Variants in SMIM35 observed in about 807,000 individuals in gnomAD.
The protein encoded by SMIM35 is TMPRSS4 antisense RNA 1 (non-protein coding).
At chr11:118,081,602 G>A (rs117943806) in intron 1 of SMIM35, among the ~76,000 whole-genome samples, 9 of 152,348 alleles carry the variant, frequency 5.9e-5, no homozygotes, top group South Asian at 2.1e-4. Context: ...CTGTCCAGGC[G>A]TGCGCACCTG....
chr11:118,010,858 A>T (rs979009411), intron 4 of SMIM35, among the ~76,000 whole-genome samples: 2 of 152,178 alleles, frequency 1.3e-5, no homozygotes, highest in African/African-American at 4.8e-5. Flanking sequence ...GAACCGTAAA[A>T]AGGTAGCGGG....
intron 4 of SMIM35, among the ~76,000 whole-genome samples, chr11:118,013,199 G>A (rs533207823): frequency 1.2e-4 from 19 of 152,328 alleles, no homozygotes; most frequent in African/African-American, 2.9e-4. Flanking sequence ...TTGAAGATCC[G>A]AGGGGATGAG....
intron 1 of SMIM35, among the ~76,000 whole-genome samples, chr11:118,083,316 C>T (rs1945299324): frequency 6.6e-6 from 1 of 152,242 alleles, no homozygotes; most frequent in Admixed American, 6.5e-5. Flanking sequence ...TTCCACTGGT[C>T]CTTGCTTCTC....
At chr11:118,083,414 C>T (rs1945307970) in intron 1 of SMIM35, among the ~76,000 whole-genome samples, 1 of 152,156 alleles carries the variant, frequency 6.6e-6, no homozygotes, top group Non-Finnish European at 1.5e-5. Flanking sequence ...GGTCACTGTC[C>T]CCAGATGCGC....
At chr11:118,019,923 A>G (rs573804876) in intron 1 of SMIM35, among the ~76,000 whole-genome samples, 67 of 152,286 alleles carry the variant, frequency 4.4e-4, no homozygotes, top group Non-Finnish European at 8.1e-4. Flanking sequence ...TGGACACTAG[A>G]CATGTAATGA....
At chr11:118,048,999 A>C (rs1449341322) in intron 1 of SMIM35, among the ~76,000 whole-genome samples, 1 of 148,456 alleles carries the variant, frequency 6.7e-6, no homozygotes, top group Non-Finnish European at 1.5e-5. Flanking sequence ...GCCAATAATC[A>C]TAATGTACTA....
chr11:118,081,047 G>A (rs185320935), intron 1 of SMIM35, among the ~76,000 whole-genome samples: 6 of 152,162 alleles, frequency 3.9e-5, no homozygotes, highest in Non-Finnish European at 7.3e-5. Context: ...GCTTTTAGCC[G>A]CAAACCTAGC....
At chr11:118,071,003 C>A (rs957155941) in intron 1 of SMIM35, among the ~76,000 whole-genome samples, 1 of 152,186 alleles carries the variant, frequency 6.6e-6, no homozygotes, top group Non-Finnish European at 1.5e-5. Flanking sequence ...ATAGCAGCAC[C>A]CACGTTATAG....
intron 1 of SMIM35, among the ~76,000 whole-genome samples, chr11:118,032,199 G>T (rs590917): frequency 0.16 from 24,575 of 152,112 alleles, 2,088 homozygotes; most frequent in Middle Eastern, 0.21. Context: ...TTGTGATTCT[G>T]AATTGTATCC....
chr11:118,037,201 T>G (rs1591290233), intron 1 of SMIM35, among the ~76,000 whole-genome samples: 1 of 152,196 alleles, frequency 6.6e-6, no homozygotes, highest in East Asian at 1.9e-4. Context: ...GTAGCGGTTG[T>G]GCAGTTGAGA....
intron 1 of SMIM35, among the ~76,000 whole-genome samples, chr11:118,044,175 G>A (rs1278915874): frequency 6.6e-6 from 1 of 152,064 alleles, no homozygotes; most frequent in Admixed American, 6.6e-5. Context: ...CTGCAGATAT[G>A]TAACACTCAA....
intron 1 of SMIM35, among the ~76,000 whole-genome samples, chr11:118,055,084 C>T (rs1187557960): frequency 6.6e-6 from 1 of 152,126 alleles, no homozygotes; most frequent in Non-Finnish European, 1.5e-5. Context: ...GGGTTACAGG[C>T]GTGAGCCACT....
At chr11:118,021,547 G>A (rs150181649) in intron 1 of SMIM35, among the ~76,000 whole-genome samples, 1 of 150,646 alleles carries the variant, frequency 6.6e-6, no homozygotes, top group African/African-American at 2.4e-5. Flanking sequence ...ATTATTCTAG[G>A]GTTTATAAAA....
At chr11:118,033,439 A>G (rs556828665) in intron 1 of SMIM35, among the ~76,000 whole-genome samples, 1 of 152,366 alleles carries the variant, frequency 6.6e-6, no homozygotes, top group African/African-American at 2.4e-5. Flanking sequence ...AATAGAATTT[A>G]AATTCGATAA....
intron 4 of SMIM35, among the ~76,000 whole-genome samples, chr11:118,008,379 C>T (rs1233221744): frequency 6.6e-6 from 1 of 152,238 alleles, no homozygotes; most frequent in Non-Finnish European, 1.5e-5. Context: ...TTGAGTTTCT[C>T]AGACCCCTGG....
chr11:118,045,874 C>A (rs1049231390), intron 1 of SMIM35, among the ~76,000 whole-genome samples: 1 of 152,164 alleles, frequency 6.6e-6, no homozygotes, highest in Non-Finnish European at 1.5e-5. Flanking sequence ...AGACTTGGAG[C>A]CAGGCCATCT....
intron 1 of SMIM35, among the ~76,000 whole-genome samples, chr11:118,064,561 G>A (rs1026048752): frequency 3.3e-5 from 5 of 152,202 alleles, no homozygotes; most frequent in African/African-American, 1.2e-4. Context: ...TGGGACTACA[G>A]GCATGTGCCA....
At chr11:118,014,308 A>AGAAG (rs767900637) in intron 3 of SMIM35, among the ~76,000 whole-genome samples, 2 of 152,104 alleles carry the variant, frequency 1.3e-5, no homozygotes, top group Non-Finnish European at 2.9e-5. Flanking sequence ...AAGGAAGGAA[A>AGAAG]GAAGGAAGGA....
chr11:118,048,934 G>T (rs1400660831), intron 1 of SMIM35, among the ~76,000 whole-genome samples: 1 of 42,846 alleles, frequency 2.3e-5, no homozygotes, highest in African/African-American at 9.5e-5. Context: ...TATCGCCTAG[G>T]CTGAAGAGCT....
Sources: gnomAD v4.1 joint callset for allele counts (sites outside exome capture counted in the v4.1 genomes callset) on GRCh38, gnomAD v4.1.1 for gene constraint, MANE v1.5 for transcripts, NCBI Gene and HGNC (gene_info 2026-07-23, HGNC 2026-07-21) for gene names.